Variants in MTUS2 observed in about 807,000 individuals in gnomAD.
MTUS2 encodes microtubule associated scaffold protein 2, also known as microtubule-associated tumor suppressor candidate 2.
A neutral mutation model predicts 114.1 loss-of-function variants in MTUS2; 40 were observed. The observed-to-expected ratio is 0.35, with a 90% CI of 0.27 to 0.46. The LOEUF is 0.46. Ranked by LOEUF, MTUS2 falls within the 20% of genes least tolerant of loss-of-function variation. The probability of loss-of-function intolerance (pLI) is 1.00; values close to 1 mark genes in which losing one functional copy is unlikely to be tolerated. For missense variants in MTUS2, 1,679 were observed against 1,705.4 expected (o/e 0.98, Z 0.27); for synonymous variants, 688 against 672.0 (o/e 1.02, Z -0.37).
intron 12 of MTUS2, among the ~76,000 whole-genome samples, chr13:29,495,224 G>T: frequency 6.7e-6 from 1 of 149,326 alleles, no homozygotes; most frequent in African/African-American, 2.5e-5. Flanking sequence ...CAGATGTGGT[G>T]GTGGGGGCCT....
intron 5 of MTUS2, among the ~76,000 whole-genome samples, chr13:29,108,008 A>G (rs180865682): frequency 1.3e-5 from 2 of 152,354 alleles, no homozygotes; most frequent in African/African-American, 2.4e-5. Context: ...GGTTAATATG[A>G]AAGCTTTTTG....
In MTUS2 at chr13:29,026,145, G is replaced by T. The variant is rs1384176922; in HGVS notation, c.1447G>T (p.Val483Leu). Residue 483 changes from valine (V) to leucine (L), a missense_variant, in exon 3 of 16, where the codon GTG (valine) becomes TTG (leucine). This residue lies in a region of MTUS2 where 843 missense variants were observed against 770.8 expected (regional missense o/e 1.09). Coordinates refer to ENST00000612955, the MANE Select transcript of MTUS2 (RefSeq NM_001033602.4). ...NPSVGENKTE[V>L]PEPLDPQSGR... ...TTCTGTTGGAGAGAACAAGACGGAG[G>T]TGCCTGAGCCCCTGGACCCTCAAAG... 3 of 1,613,978 alleles carry T rather than the reference G, an allele frequency of 1.9e-6. No homozygotes were observed. Among genetic ancestry groups the T allele is most frequent in the Non-Finnish European group, 2.5e-6 (3 of 1,179,890 alleles).
chr13:29,132,110 G>A (rs762516344), intron 5 of MTUS2, among the ~76,000 whole-genome samples: 15 of 152,288 alleles, frequency 9.8e-5, no homozygotes, highest in South Asian at 2.1e-4. Flanking sequence ...GAATGAGTAC[G>A]TTTCATATAC....
chr13:29,010,757 T>A (rs1885804116), intron 2 of MTUS2, among the ~76,000 whole-genome samples: 1 of 152,116 alleles, frequency 6.6e-6, no homozygotes, highest in Non-Finnish European at 1.5e-5. Flanking sequence ...TCCTACCCCA[T>A]CAGAACTGTC....
At chr13:29,103,666 G>A (rs1045142010) in intron 5 of MTUS2, among the ~76,000 whole-genome samples, 1 of 152,180 alleles carries the variant, frequency 6.6e-6, no homozygotes, top group Non-Finnish European at 1.5e-5. Flanking sequence ...ACAAACGTGA[G>A]TAATGTGTTG....
At chr13:29,452,965 G>A (rs932593105) in intron 9 of MTUS2, among the ~76,000 whole-genome samples, 5 of 152,086 alleles carry the variant, frequency 3.3e-5, no homozygotes, top group African/African-American at 9.7e-5. Flanking sequence ...ATTTGATCCT[G>A]ACAACAACAG....
At chr13:29,319,854 A>T (rs1593298216) in intron 6 of MTUS2, among the ~76,000 whole-genome samples, 2 of 54,650 alleles carry the variant, frequency 3.7e-5, no homozygotes, top group African/African-American at 3.1e-4. Context: ...CAAGAAAGCT[A>T]AAAAAAAAAT....
chr13:29,304,305 T>C (rs1178575401), intron 6 of MTUS2, among the ~76,000 whole-genome samples: 1 of 152,120 alleles, frequency 6.6e-6, no homozygotes, highest in African/African-American at 2.4e-5. Flanking sequence ...ATCTAAAATG[T>C]AAACATGCTA....
intron 2 of MTUS2, among the ~76,000 whole-genome samples, chr13:28,994,957 T>C (rs1382894765): frequency 2.6e-5 from 4 of 151,956 alleles, no homozygotes; most frequent in African/African-American, 7.3e-5. Context: ...TTTGGTGTTT[T>C]AGACATGAAG....
intron 5 of MTUS2, among the ~76,000 whole-genome samples, chr13:29,129,655 C>A (rs542480131): frequency 1.3e-5 from 2 of 152,168 alleles, no homozygotes; most frequent in African/African-American, 4.8e-5. Flanking sequence ...GGAATCAGTT[C>A]TAAAGATGAC....
At chr13:29,361,353 C>T (rs910558103) in intron 8 of MTUS2, among the ~76,000 whole-genome samples, 1 of 152,156 alleles carries the variant, frequency 6.6e-6, no homozygotes, top group Non-Finnish European at 1.5e-5. Context: ...CAAAAATGAC[C>T]GTGGCATTTC....
At chr13:28,878,402 C>T (rs886929327) in intron 2 of MTUS2, among the ~76,000 whole-genome samples, 9 of 151,918 alleles carry the variant, frequency 5.9e-5, no homozygotes, top group Non-Finnish European at 7.4e-5. Context: ...AAACATGTGC[C>T]GTGGTGGTTT....
intron 1 of MTUS2, among the ~76,000 whole-genome samples, chr13:28,836,964 C>A (rs536461091): frequency 9.8e-5 from 15 of 152,286 alleles, no homozygotes; most frequent in African/African-American, 3.6e-4. Context: ...CCTTTCAGAT[C>A]TGCCCCCCTT....
At chr13:29,278,790 T>C (rs1898161190) in intron 5 of MTUS2, among the ~76,000 whole-genome samples, 1 of 152,210 alleles carries the variant, frequency 6.6e-6, no homozygotes, top group Non-Finnish European at 1.5e-5. Flanking sequence ...CCTCACCTTT[T>C]TGTATGTCTG....
intron 5 of MTUS2, among the ~76,000 whole-genome samples, chr13:29,238,338 TCACACCA>T (rs1896612515): frequency 1.3e-5 from 2 of 152,172 alleles, no homozygotes; most frequent in Admixed American, 1.3e-4. Context: ...GAGTATTGAC[TCACACCA>T]TCACAAGGTG....
At chr13:29,159,797 T>A (rs1400540824) in intron 5 of MTUS2, among the ~76,000 whole-genome samples, 4 of 152,230 alleles carry the variant, frequency 2.6e-5, no homozygotes, top group African/African-American at 9.6e-5. Context: ...GTGATGTCAC[T>A]GTATATACCT....
intron 2 of MTUS2, among the ~76,000 whole-genome samples, chr13:28,951,301 C>G (rs1352391913): frequency 6.6e-6 from 1 of 152,156 alleles, no homozygotes; most frequent in Admixed American, 6.5e-5. Flanking sequence ...GTATTGACAT[C>G]TTAGTAATAT....
At chr13:29,301,731 G>A (rs533892084) in intron 6 of MTUS2, among the ~76,000 whole-genome samples, 46 of 152,206 alleles carry the variant, frequency 3.0e-4, no homozygotes, top group Non-Finnish European at 5.0e-4. Context: ...AGTACAGTGC[G>A]TATAATCCAT....
chr13:28,838,496 G>C (rs1875245124), intron 1 of MTUS2, among the ~76,000 whole-genome samples: 1 of 152,144 alleles, frequency 6.6e-6, no homozygotes, highest in Admixed American at 6.5e-5. Flanking sequence ...CTTGGGCTTG[G>C]ACCTGTGTGG....
Sources: gnomAD v4.1 joint callset for allele counts (sites outside exome capture counted in the v4.1 genomes callset) on GRCh38, gnomAD v4.1.1 for gene constraint, gnomAD v4.1.1 regional missense constraint, MANE v1.5 for transcripts, NCBI Gene and HGNC (gene_info 2026-07-23, HGNC 2026-07-21) for gene names.